Variants in NTRK2 observed in about 807,000 individuals in gnomAD.
NTRK2 encodes BDNF/NT-3 growth factors receptor.
Under a neutral mutation model 94.5 loss-of-function variants are expected in NTRK2, and 13 were observed. The observed-to-expected ratio is 0.14, with a 90% confidence interval of 0.09 to 0.22. The LOEUF is 0.22. Among genes scored for constraint, NTRK2 ranks in the 10% least tolerant of loss-of-function variants. NTRK2 has a pLI of 1.00. For missense variants in NTRK2, 639 were observed against 1,071.2 expected (o/e 0.60, Z 5.63); for synonymous variants, 372 against 407.4 (o/e 0.91, Z 1.05).
intron 12 of NTRK2, among the ~76,000 whole-genome samples, chr9:84,843,084 T>C (rs1173072506): frequency 6.6e-6 from 1 of 152,224 alleles, no homozygotes; most frequent in Non-Finnish European, 1.5e-5. Context: ...TGGGGGGTCA[T>C]AGCATCTACT....
At chr9:84,737,111 TTC>T (rs1190243868) in intron 9 of NTRK2, among the ~76,000 whole-genome samples, 3 of 152,220 alleles carry the variant, frequency 2.0e-5, no homozygotes, top group South Asian at 2.1e-4. Flanking sequence ...GAAAAGTCTT[TTC>T]TCTCTCTCTT....
At chr9:84,944,320 T>C (rs1299935126) in intron 15 of NTRK2, among the ~76,000 whole-genome samples, 1 of 150,588 alleles carries the variant, frequency 6.6e-6, no homozygotes, top group African/African-American at 2.4e-5. Flanking sequence ...TGGAGTGCAG[T>C]GGCGTGCTGT....
intron 12 of NTRK2, among the ~76,000 whole-genome samples, chr9:84,832,401 C>T (rs143859807): frequency 1.3e-5 from 2 of 152,272 alleles, no homozygotes; most frequent in African/African-American, 4.8e-5. Context: ...CCAAGTGCTA[C>T]AGTGATCAGA....
intron 14 of NTRK2, among the ~76,000 whole-genome samples, chr9:84,882,084 AG>A (rs2076269957): frequency 6.6e-6 from 1 of 152,200 alleles, no homozygotes; most frequent in East Asian, 1.9e-4. Context: ...CAGGAGAGCT[AG>A]GAGTTGAACC....
At chr9:84,925,661 A>T (rs1301367748) in intron 14 of NTRK2, among the ~76,000 whole-genome samples, 1 of 152,104 alleles carries the variant, frequency 6.6e-6, no homozygotes, top group Non-Finnish European at 1.5e-5. Context: ...TGAGCTGCGG[A>T]CTTTTGACAG....
At position 84,745,037 on chromosome 9, in the gene NTRK2, A is replaced by G. The variant is rs55939150; in HGVS notation, c.1260A>G (p.Thr420=). Residue 420 remains threonine, a synonymous_variant, in exon 11 of 19, where the codon ACA becomes ACG. Transcript: ENST00000277120. ...ACAGAAGTAATGAAATCCCTTCCAC[A>G]GACGTCACTGATAAAACCGGTCGGG... The part of the protein sequence containing the change: ...TTNRSNEIPS[T]DVTDKTGREH... 3.8e-5 allele frequency: 61 copies of G among 1,613,892 alleles called. No homozygotes were observed. In the East Asian group the frequency reaches 1.3e-3, roughly 34 times the overall value.
intron 17 of NTRK2, among the ~76,000 whole-genome samples, chr9:85,004,829 A>G (rs28483630): frequency 0.73 from 111,098 of 152,092 alleles, 41,233 homozygotes; most frequent in African/African-American, 0.82. Flanking sequence ...CATAACAGGT[A>G]GAATATTGGG....
At chr9:84,711,150 A>G (rs986188028) in intron 6 of NTRK2, among the ~76,000 whole-genome samples, 10 of 152,176 alleles carry the variant, frequency 6.6e-5, no homozygotes, top group African/African-American at 1.7e-4. Context: ...GGCCACATAT[A>G]CCCTTGGATG....
chr9:84,835,902 C>T (rs937858803), intron 12 of NTRK2, among the ~76,000 whole-genome samples: 1 of 152,180 alleles, frequency 6.6e-6, no homozygotes, highest in South Asian at 2.1e-4. Flanking sequence ...AAACTCAAAA[C>T]AATTGACAAG....
intron 14 of NTRK2, among the ~76,000 whole-genome samples, chr9:84,899,308 A>T (rs1313710121): frequency 2.0e-5 from 3 of 152,252 alleles, no homozygotes; most frequent in African/African-American, 4.8e-5. Context: ...ACCCCATCAA[A>T]AGTTAAATGT....
At chr9:84,952,207 G>T (rs954527423) in intron 16 of NTRK2, among the ~76,000 whole-genome samples, 2 of 152,212 alleles carry the variant, frequency 1.3e-5, no homozygotes, top group Non-Finnish European at 2.9e-5. Context: ...ACAGAGCTGA[G>T]ATTCAAACCT....
chr9:84,746,772 C>T (rs1000790569), intron 11 of NTRK2, among the ~76,000 whole-genome samples: 3 of 152,278 alleles, frequency 2.0e-5, no homozygotes, highest in African/African-American at 7.2e-5. Flanking sequence ...TCCTGATGGC[C>T]ATGATGTGGC....
intron 14 of NTRK2, 138 bp from the exon 15 acceptor site, chr9:84,934,024 C>A: frequency 3.4e-6 from 3 of 885,824 alleles, no homozygotes; most frequent in Non-Finnish European, 5.5e-6. Context: ...AAGATGGACA[C>A]CCAGCTTCTT....
In NTRK2 at chr9:84,745,127, A is replaced by G. The variant is rs552514686; in HGVS notation, c.1296+54A>G. On this transcript the variant is annotated intron_variant, in intron 11 of 18. Coordinates refer to ENST00000277120, the MANE Select transcript of NTRK2 (RefSeq NM_006180.6). Reference sequence around the variant, plus strand: ...GGTTCTGAGCATTTTGGATGCCTCCATGTTAGAGGAATGTAGCTGCTTCAA... The same window carrying G: ...GGTTCTGAGCATTTTGGATGCCTCCGTGTTAGAGGAATGTAGCTGCTTCAA... The G allele has an allele frequency of 5.9e-6, 7 of 1,194,022 alleles. No homozygotes were observed. In the East Asian group the frequency reaches 1.2e-4, roughly 20 times the overall value. 74.0% of individuals were successfully genotyped at this position (1,194,022 alleles called of 1,614,324 possible).
intron 17 of NTRK2, among the ~76,000 whole-genome samples, chr9:84,963,578 G>A (rs966581542): frequency 6.6e-6 from 1 of 152,132 alleles, no homozygotes; most frequent in African/African-American, 2.4e-5. Context: ...CCTTAGTATT[G>A]TTGTATTTAT....
chr9:84,878,037 C>T, intron 14 of NTRK2: 1 of 693,022 alleles, frequency 1.4e-6, no homozygotes, highest in Non-Finnish European at 1.8e-6. Flanking sequence ...CCCAGTTGCC[C>T]CCACATAGCC....
At chr9:84,896,424 A>T (rs78056317) in intron 14 of NTRK2, among the ~76,000 whole-genome samples, 2 of 152,102 alleles carry the variant, frequency 1.3e-5, no homozygotes, top group Non-Finnish European at 2.9e-5. Flanking sequence ...TTGGAAGCAC[A>T]TTTTTTCCTC....
intron 14 of NTRK2, chr9:84,872,664 A>T: frequency 2.3e-5 from 24 of 1,064,390 alleles, no homozygotes; most frequent in Non-Finnish European, 2.6e-5. Flanking sequence ...TTTTCTCCAG[A>T]GTGTGCCATA....
rs2060711304 is a variant in NTRK2 at position 84,701,425 on chromosome 9, C to T, written c.213-734C>T. The stretch of plus-strand genomic sequence containing the variant: ...TTCATTTATTTAATCTCGGGGAAGA[C>T]TCCTCTTAGTGTAATTGAGATCATG... On this transcript the variant is annotated intron_variant, in intron 2 of 18. Coordinates refer to ENST00000277120, the MANE Select transcript of NTRK2 (RefSeq NM_006180.6). 2.0e-5 allele frequency among the ~76,000 whole-genome samples: 3 copies of T among 152,142 alleles called. No individual in the cohort carries two copies. In the South Asian group the frequency reaches 6.2e-4, roughly 32 times the overall value.
Sources: allele counts gnomAD v4.1 joint callset (sites outside exome capture counted in the v4.1 genomes callset), GRCh38; gene constraint gnomAD v4.1.1; transcripts MANE v1.5; gene names NCBI Gene and HGNC (gene_info 2026-07-23, HGNC 2026-07-21).